Variants in MAGT1 observed in about 807,000 individuals in gnomAD.
MAGT1 encodes the protein dolichyl-diphosphooligosaccharide--protein glycosyltransferase subunit MAGT1.
Under a neutral mutation model 28.4 loss-of-function variants are expected in MAGT1, and 4 were observed. The ratio of observed to expected loss-of-function variants is 0.14; its 90% CI spans 0.07 to 0.32. The LOEUF is 0.32. MAGT1 is among the 10% of genes least tolerant of loss of function. MAGT1 has a pLI of 1.00. For synonymous variants in MAGT1, 89 were observed against 89.7 expected (o/e 0.99, Z 0.04); for missense variants, 193 against 264.5 (o/e 0.73, Z 1.88).
At chrX:77,890,147 T>G (rs2077078474) in intron 1 of MAGT1, among the ~76,000 whole-genome samples, 2 of 112,701 alleles carry the variant, frequency 1.8e-5, no homozygotes, top group South Asian at 7.2e-4. Context: ...TCCCAAAACT[T>G]ATTCGTGTCT....
rs72197791 is a variant in MAGT1, at chrX:77,832,822, C to CAAAAAAAAAAAAAAAAAAAAAAAAAA, written c.902-1953_902-1928dup. Among the ~76,000 whole-genome samples the CAAAAAAAAAAAAAAAAAAAAAAAAAA allele has an allele frequency of 1.2e-4, 4 of 32,351 alleles. 1 individual carries two copies. Among genetic ancestry groups the CAAAAAAAAAAAAAAAAAAAAAAAAAA allele is most frequent in the African/African-American group, 2.8e-4 (2 of 7,099 alleles). 28.1% of individuals were successfully genotyped at this position (32,351 alleles called of 115,157 possible). A position where few individuals can be genotyped will look rare whatever the true frequency, so the allele number is the denominator to read the frequency against. On this transcript the variant is annotated intron_variant, in intron 8 of 9. Transcript: ENST00000618282. ...TAGGCGAAAAAGCAAGCCTCTGTCT[C>CAAAAAAAAAAAAAAAAAAAAAAAAAA]AAAAAAAAAAAAAAAAAAAAAAAAA...
intron 7 of MAGT1, among the ~76,000 whole-genome samples, chrX:77,843,127 C>T (rs929451190): frequency 8.9e-6 from 1 of 112,245 alleles, no homozygotes; most frequent in Non-Finnish European, 1.9e-5. Context: ...TATCATTAAG[C>T]GGAAAGGGAA....
At chrX:77,845,076 T>C (rs1280191692) in intron 7 of MAGT1, among the ~76,000 whole-genome samples, 2 of 110,972 alleles carry the variant, frequency 1.8e-5, no homozygotes, top group Non-Finnish European at 3.8e-5. Flanking sequence ...TGTGTGGGAG[T>C]CTAAGTCTCT....
chrX:77,844,260 T>C (rs1186350916), intron 7 of MAGT1, among the ~76,000 whole-genome samples: 2 of 112,078 alleles, frequency 1.8e-5, no homozygotes, highest in African/African-American at 6.5e-5. Context: ...TGTTCTCTGA[T>C]GGTAGTTTGT....
At chrX:77,849,939 T>A (rs2076962732) in intron 7 of MAGT1, among the ~76,000 whole-genome samples, 1 of 110,706 alleles carries the variant, frequency 9.0e-6, no homozygotes, top group Non-Finnish European at 1.9e-5. Flanking sequence ...TGTAAACTTT[T>A]GTAAACTTTT....
chrX:77,872,053 C>CT (rs1385780325), intron 2 of MAGT1, among the ~76,000 whole-genome samples: 8 of 107,836 alleles, frequency 7.4e-5, no homozygotes, highest in East Asian at 2.9e-4. Flanking sequence ...TTCAATCCTT[C>CT]TTTTTTTTTG....
chrX:77,837,843 A>G (rs782360464), intron 8 of MAGT1, among the ~76,000 whole-genome samples: 1 of 111,355 alleles, frequency 9.0e-6, no homozygotes, highest in South Asian at 3.8e-4. Flanking sequence ...CCTGGGTTCA[A>G]GTGATTCTCA....
intron 3 of MAGT1, among the ~76,000 whole-genome samples, chrX:77,858,391 A>G (rs999923588): frequency 4.5e-5 from 5 of 110,666 alleles, no homozygotes; most frequent in Non-Finnish European, 7.6e-5. Context: ...GGGGTTCACC[A>G]TGTTGGCCAG....
chrX:77,882,637 A>G lies in MAGT1; in HGVS notation c.103-7040T>C, dbSNP rs782772433. Among the ~76,000 whole-genome samples the G allele has an allele frequency of 2.1e-3, 235 of 110,865 alleles. 3 individuals carry two copies. Among genetic ancestry groups the G allele is most frequent in the African/African-American group, 7.4e-3 (227 of 30,591 alleles). On this transcript the variant is annotated intron_variant, in intron 1 of 9. Coordinates refer to ENST00000618282, the MANE Select transcript of MAGT1 (RefSeq NM_001367916.1). The stretch of plus-strand genomic sequence containing the variant: ...TCAATATGTGGAGTTTTCCTACACA[A>G]AAATTCTTGAATAAACGTTTTCAAG...
intron 1 of MAGT1, among the ~76,000 whole-genome samples, chrX:77,879,704 G>A (rs5959869): frequency 0.038 from 4,208 of 110,570 alleles, 119 homozygotes; most frequent in African/African-American, 0.1. Context: ...ATTTAACTGG[G>A]AATTGACTGA....
chrX:77,893,082 G>C (rs1340401472), intron 1 of MAGT1, among the ~76,000 whole-genome samples: 1 of 111,675 alleles, frequency 9.0e-6, no homozygotes, highest in African/African-American at 3.3e-5. Context: ...ACCCCAGGAA[G>C]TAGAGGCTGC....
intron 9 of MAGT1, among the ~76,000 whole-genome samples, chrX:77,830,146 A>C (rs2149008023): frequency 8.9e-6 from 1 of 112,091 alleles, no homozygotes; most frequent in African/African-American, 3.2e-5. Flanking sequence ...ACATAGCAAG[A>C]CCCTGTCTTT....
At chrX:77,851,269 G>C (rs532962376) in intron 7 of MAGT1, among the ~76,000 whole-genome samples, 3 of 110,715 alleles carry the variant, frequency 2.7e-5, no homozygotes, top group African/African-American at 9.8e-5. Context: ...AGGCTGGAGT[G>C]CAGTGGCACC....
At chrX:77,844,327 A>G (rs1327566840) in intron 7 of MAGT1, among the ~76,000 whole-genome samples, 2 of 110,263 alleles carry the variant, frequency 1.8e-5, no homozygotes, top group East Asian at 5.7e-4. Context: ...CATCTATTTG[A>G]TTCTTCTCTC....
Position 77,826,838 on chromosome X carries a change from G to A in MAGT1, c.*2382C>T, listed in dbSNP as rs2076883949. 1.8e-5 allele frequency: 2 copies of A among 111,796 alleles called. No homozygotes were observed. The allele number at this position is 111,796 out of a possible 1,213,427, so 9.2% of individuals were successfully genotyped here. A position where few individuals can be genotyped will look rare whatever the true frequency, so the allele number is the denominator to read the frequency against. On this transcript the variant is annotated 3_prime_UTR_variant, in exon 10 of 10. Coordinates refer to ENST00000618282, the MANE Select transcript of MAGT1 (RefSeq NM_001367916.1). ...AGACAAGTACAAGAATAGCAGGTAA[G>A]GAATTCAGAATCTCACAATTTACAA...
intron 8 of MAGT1, among the ~76,000 whole-genome samples, chrX:77,839,806 C>A (rs2076929936): frequency 9.2e-6 from 1 of 109,278 alleles, no homozygotes; most frequent in Admixed American, 9.9e-5. Flanking sequence ...CGCGTCTGGC[C>A]AAATTTTTGT....
In MAGT1 at chrX:77,851,361, G is replaced by A. The variant is rs149767216; in HGVS notation, c.826+2540C>T. On this transcript the variant is annotated intron_variant, in intron 7 of 9. Coordinates refer to ENST00000618282, the MANE Select transcript of MAGT1 (RefSeq NM_001367916.1). ...CTCCAGAGTAGCTGGGATTACAGGC[G>A]CCCGTCACCATGCCTGGCTGTTTTT... is the stretch of plus-strand genomic sequence containing the variant. Among the ~76,000 whole-genome samples the A allele has an allele frequency of 4.4e-3, 467 of 106,882 alleles. 1 individual carries two copies. The highest frequency in any genetic ancestry group is 0.011 in the South Asian group (27 of 2,433). The allele number at this position is 106,882 out of a possible 115,157, so 92.8% of individuals were successfully genotyped here. A position where few individuals can be genotyped will look rare whatever the true frequency, so the allele number is the denominator to read the frequency against.
intron 3 of MAGT1, among the ~76,000 whole-genome samples, chrX:77,870,276 G>C (rs2077017334): frequency 9.0e-6 from 1 of 110,661 alleles, no homozygotes; most frequent in African/African-American, 3.3e-5. Context: ...GGGGATGAAG[G>C]ATTAAAGACT....
At chrX:77,857,065 T>G (rs2076983175) in intron 4 of MAGT1, among the ~76,000 whole-genome samples, 192 bp from the exon 5 acceptor site, 1 of 112,070 alleles carries the variant, frequency 8.9e-6, no homozygotes, top group South Asian at 3.7e-4. Context: ...TACAATATTC[T>G]ATTTAACCAC....
Sources: allele counts gnomAD v4.1 joint callset (sites outside exome capture counted in the v4.1 genomes callset), GRCh38; gene constraint gnomAD v4.1.1; transcripts MANE v1.5; gene names NCBI Gene and HGNC (gene_info 2026-07-23, HGNC 2026-07-21).